Variants in LINGO2 observed in about 807,000 individuals in gnomAD.
LINGO2 encodes leucine-rich repeat and immunoglobulin-like domain-containing nogo receptor-interacting protein 2.
Under a neutral mutation model 30.6 loss-of-function variants are expected in LINGO2, and 14 were observed. That is an observed-to-expected ratio of 0.46 (90% CI 0.30 to 0.72). The LOEUF (loss-of-function observed/expected upper bound fraction) is 0.72, where lower values mean the gene tolerates loss of function less well. LINGO2 is among the 30% of genes least tolerant of loss of function. LINGO2 has a pLI of 0.07. For synonymous variants in LINGO2, 317 were observed against 288.5 expected (o/e 1.10, Z -1.00); for missense variants, 729 against 751.7 (o/e 0.97, Z 0.35).
chr9:28,596,287 A>T (rs573583883), intron 1 of LINGO2, among the ~76,000 whole-genome samples: 3 of 152,296 alleles, frequency 2.0e-5, no homozygotes, highest in African/African-American at 7.2e-5. Context: ...ACAGGGTTCC[A>T]GTTATCACAA....
the LINGO2 span, among the ~76,000 whole-genome samples, chr9:29,174,032 T>A: frequency 2.6e-5 from 4 of 151,734 alleles, no homozygotes; most frequent in East Asian, 7.7e-4. Context: ...ATGTTGTTTA[T>A]AAAAAACTAT....
chr9:28,180,809 T>C (rs927884793), intron 4 of LINGO2, among the ~76,000 whole-genome samples: 6 of 151,962 alleles, frequency 3.9e-5, no homozygotes, highest in South Asian at 2.1e-4. Context: ...GAGTGTCACA[T>C]ACATCAAACA....
At chr9:29,180,782 C>G in the LINGO2 span, among the ~76,000 whole-genome samples, 1 of 152,056 alleles carries the variant, frequency 6.6e-6, no homozygotes, top group Admixed American at 6.6e-5. Context: ...GCAAAGAAAG[C>G]AAAATCAGTG....
chr9:28,502,680 C>G (rs1819938692), intron 1 of LINGO2, among the ~76,000 whole-genome samples: 1 of 152,030 alleles, frequency 6.6e-6, no homozygotes, highest in African/African-American at 2.4e-5. Context: ...GGATTGATAA[C>G]ATAAATTTTA....
chr9:28,093,689 G>T (rs183621615), intron 4 of LINGO2, among the ~76,000 whole-genome samples: 1 of 151,994 alleles, frequency 6.6e-6, no homozygotes, highest in African/African-American at 2.4e-5. Context: ...TGAAGATGCA[G>T]TGTGCTGCTA....
At chr9:28,378,546 C>T (rs977637746) in intron 2 of LINGO2, among the ~76,000 whole-genome samples, 1 of 152,126 alleles carries the variant, frequency 6.6e-6, no homozygotes, top group Non-Finnish European at 1.5e-5. Context: ...AGCTTTAAGT[C>T]AAAGATTCTT....
At chr9:27,968,990 T>A (rs758149283) in intron 5 of LINGO2, among the ~76,000 whole-genome samples, 12 of 151,864 alleles carry the variant, frequency 7.9e-5, no homozygotes, top group Non-Finnish European at 1.8e-4. Context: ...TTGATAAACA[T>A]TTTTGAAATC....
chr9:28,064,711 T>G (rs1277205230), intron 4 of LINGO2, among the ~76,000 whole-genome samples: 1 of 152,088 alleles, frequency 6.6e-6, no homozygotes, highest in Non-Finnish European at 1.5e-5. Context: ...TGAAAACGAT[T>G]GAAGTAAACA....
intron 4 of LINGO2, among the ~76,000 whole-genome samples, chr9:28,087,337 A>G (rs191484140): frequency 6.6e-6 from 1 of 152,220 alleles, no homozygotes; most frequent in African/African-American, 2.4e-5. Flanking sequence ...AACAAGAGAT[A>G]AACTGTATAG....
At chr9:29,173,843 G>T in the LINGO2 span, among the ~76,000 whole-genome samples, 1 of 151,946 alleles carries the variant, frequency 6.6e-6, no homozygotes, top group African/African-American at 2.4e-5. Flanking sequence ...TCTAAGGCAA[G>T]AAGTAAAATA....
chr9:28,650,047 A>C (rs1348228244), intron 1 of LINGO2, among the ~76,000 whole-genome samples: 1 of 151,894 alleles, frequency 6.6e-6, no homozygotes, highest in African/African-American at 2.4e-5. Flanking sequence ...AAAAAAAAAA[A>C]CAACAACAAA....
chr9:28,180,313 A>G (rs1315284447), intron 4 of LINGO2, among the ~76,000 whole-genome samples: 1 of 152,170 alleles, frequency 6.6e-6, no homozygotes, highest in African/African-American at 2.4e-5. Flanking sequence ...GCAGTACTGT[A>G]CTAGAGCATT....
At chr9:28,363,389 AAGGGGC>A (rs1451912474) in intron 3 of LINGO2, among the ~76,000 whole-genome samples, 1 of 152,204 alleles carries the variant, frequency 6.6e-6, no homozygotes. Flanking sequence ...GTTTATCAGG[AAGGGGC>A]AGTGGGCAAC....
At chr9:28,506,816 G>A (rs1440205126) in intron 1 of LINGO2, among the ~76,000 whole-genome samples, 1 of 151,724 alleles carries the variant, frequency 6.6e-6, no homozygotes, top group Non-Finnish European at 1.5e-5. Flanking sequence ...TGTAAGAACT[G>A]CCATGTTGGT....
chr9:28,993,521 C>G, the LINGO2 span, among the ~76,000 whole-genome samples: 1 of 151,872 alleles, frequency 6.6e-6, no homozygotes, highest in African/African-American at 2.4e-5. Flanking sequence ...TTTTATGAGG[C>G]CAGCATCATC....
chr9:28,222,538 A>AG (rs962982586), intron 4 of LINGO2, among the ~76,000 whole-genome samples: 10 of 152,202 alleles, frequency 6.6e-5, no homozygotes, highest in African/African-American at 2.2e-4. Context: ...TTAAAAAAAA[A>AG]AAGTCAGCAT....
At chr9:29,150,351 A>T in the LINGO2 span, among the ~76,000 whole-genome samples, 1 of 152,220 alleles carries the variant, frequency 6.6e-6, no homozygotes, top group African/African-American at 2.4e-5. Context: ...GAACTCTGGC[A>T]ATTTAAAAAG....
chr9:28,578,498 T>G (rs775632689), intron 1 of LINGO2, among the ~76,000 whole-genome samples: 1 of 152,212 alleles, frequency 6.6e-6, no homozygotes, highest in Non-Finnish European at 1.5e-5. Context: ...TATTTTATAC[T>G]GTATAATTAT....
the LINGO2 span, among the ~76,000 whole-genome samples, chr9:29,175,180 AC>A: frequency 6.6e-6 from 1 of 152,054 alleles, no homozygotes; most frequent in Non-Finnish European, 1.5e-5. Flanking sequence ...AATCACTTGA[AC>A]CTGGGAGGTG....
Sources: gnomAD v4.1 joint callset for allele counts (sites outside exome capture counted in the v4.1 genomes callset) on GRCh38, gnomAD v4.1.1 for gene constraint, MANE v1.5 for transcripts, NCBI Gene and HGNC (gene_info 2026-07-23, HGNC 2026-07-21) for gene names.